MAP4: variants seen among roughly 807,000 people sequenced by gnomAD.
MAP4 encodes microtubule-associated protein 4.
MAP4 carries 76 observed loss-of-function variants against 170.2 expected under a neutral mutation model. The observed-to-expected ratio is 0.45, with a 90% CI of 0.37 to 0.54. The LOEUF (loss-of-function observed/expected upper bound fraction) is 0.54, where lower values mean the gene tolerates loss of function less well. Ranked by LOEUF, MAP4 falls within the 20% of genes least tolerant of loss-of-function variation. The pLI, the probability that MAP4 is intolerant of heterozygous loss-of-function variation, is 0.00. For missense variants in MAP4, 2,506 were observed against 2,748.0 expected, an observed-to-expected ratio of 0.91 and a Z score of 1.97; for synonymous variants, 909 against 994.5, an observed-to-expected ratio of 0.91 and a Z score of 1.62.
At chr3:47,941,806 C>T (rs1173804199) in intron 3 of MAP4, among the ~76,000 whole-genome samples, 1 of 147,096 alleles carries the variant, frequency 6.8e-6, no homozygotes, top group Non-Finnish European at 1.5e-5. Flanking sequence ...AAAAAAAAGG[C>T]GAAAACGCTA....
rs1001080628 is a variant in MAP4, at chr3:47,909,078, T to A, written c.5343A>T (p.Thr1781=). The A allele has an allele frequency of 3.7e-6, 6 of 1,613,890 alleles. No individual in the cohort carries two copies. The African/African-American group carries it at 6.7e-5, about 18-fold the overall frequency. Residue 1781 remains threonine, a synonymous_variant, in exon 9 of 21, where the codon ACA becomes ACT. Coordinates refer to ENST00000683076, the MANE Select transcript of MAP4 (RefSeq NM_001385682.1). ...GCTTATGTCTCTCTTGTTCCTGGAT[T>A]GTAGACTTTGGCAAAAGTGGAGTAA... ...RGLTPLLPKS[T]IQEQERHKQL... is the part of the protein sequence containing the mutation.
chr3:47,853,383 G>C (rs933069984), intron 19 of MAP4, 31 bp from the exon 20 acceptor site: 17 of 1,510,150 alleles, frequency 1.1e-5, no homozygotes, highest in African/African-American at 1.4e-5. Context: ...AGACAGTGCA[G>C]GGTCAGTCGA....
At position 48,059,161 on chromosome 3, in the gene MAP4, T is replaced by C. The variant is rs116067091; in HGVS notation, c.-20+29612A>G. Among the ~76,000 whole-genome samples the C allele has an allele frequency of 4.0e-3, 609 of 152,242 alleles. 5 individuals carry two copies. The highest frequency in any genetic ancestry group is 0.014 in the African/African-American group (589 of 41,528). On this transcript the variant is annotated intron_variant, in intron 1 of 18. Coordinates refer to the MAP4 transcript ENST00000360240. ...AGCAGTCAGTAAAAACACTTTGTGA[T>C]TGAATAATTCAAGTACAGAATTAAC... is the stretch of plus-strand genomic sequence containing the variant.
intron 6 of MAP4, among the ~76,000 whole-genome samples, chr3:47,917,930 A>C (rs1372277691): frequency 6.6e-6 from 1 of 152,106 alleles, no homozygotes; most frequent in East Asian, 1.9e-4. Flanking sequence ...TCCCGGGTTC[A>C]AGCAATTCTC....
At position 47,852,649 on chromosome 3, in the gene MAP4, G is replaced by C. The variant is rs980094614; in HGVS notation, c.*285C>G. On this transcript the variant is annotated 3_prime_UTR_variant, in exon 21 of 21. Coordinates refer to ENST00000683076, the MANE Select transcript of MAP4 (RefSeq NM_001385682.1). ...CCACGGAGCAGTGGCGCAGTGATGGGGCAAGACCAAAGCAGGGAGATGGGC... is the reference window on the plus strand; with the variant it reads ...CCACGGAGCAGTGGCGCAGTGATGGCGCAAGACCAAAGCAGGGAGATGGGC... 22 of 1,200,724 alleles carry C rather than the reference G, an allele frequency of 1.8e-5. No homozygotes were observed. The highest frequency in any genetic ancestry group is 2.4e-5 in the Non-Finnish European group (21 of 879,558). 74.4% of individuals were successfully genotyped at this position (1,200,724 alleles called of 1,614,324 possible).
intron 1 of MAP4, among the ~76,000 whole-genome samples, chr3:48,060,956 T>TG (rs1445667333): frequency 6.6e-6 from 1 of 152,076 alleles, no homozygotes; most frequent in Non-Finnish European, 1.5e-5. Context: ...GCCATTCTCC[T>TG]GCCTCAGCCT....
chr3:47,978,070 A>C (rs1578664695), intron 2 of MAP4, 137 bp from the exon 3 acceptor site: 1 of 587,126 alleles, frequency 1.7e-6, no homozygotes, highest in East Asian at 2.7e-5. Context: ...TCAAAATTTA[A>C]ACATTTAACA....
At chr3:47,918,152 T>G (rs2100040780) in intron 6 of MAP4, among the ~76,000 whole-genome samples, 2 of 152,192 alleles carry the variant, frequency 1.3e-5, no homozygotes, top group South Asian at 4.1e-4. Flanking sequence ...CCAGCTAATT[T>G]TTTGTATTTT....
chr3:48,085,913 G>A (rs576423114), intron 1 of MAP4, among the ~76,000 whole-genome samples: 7 of 152,158 alleles, frequency 4.6e-5, no homozygotes, highest in Non-Finnish European at 1.0e-4. Context: ...TTAGCCAGGC[G>A]TGGTGGCACG....
chr3:47,928,443 A>G (rs2100047435), intron 3 of MAP4, 93 bp from the exon 4 acceptor site: 1 of 1,282,490 alleles, frequency 7.8e-7, no homozygotes, highest in East Asian at 2.3e-5. Flanking sequence ...AGCTAGTACA[A>G]TATAAAAAAT....
At chr3:48,043,769 G>T (rs551851474) in intron 1 of MAP4, among the ~76,000 whole-genome samples, 1 of 152,084 alleles carries the variant, frequency 6.6e-6, no homozygotes, top group South Asian at 2.1e-4. Flanking sequence ...GTGCAAAACC[G>T]TAAAAGTAAG....
At chr3:48,040,193 C>T (rs984368393) in intron 1 of MAP4, among the ~76,000 whole-genome samples, 9 of 152,176 alleles carry the variant, frequency 5.9e-5, no homozygotes, top group Admixed American at 2.0e-4. Context: ...CTACAATCCA[C>T]GCTTCTACTC....
At chr3:48,032,261 T>C (rs1295390315) in intron 1 of MAP4, among the ~76,000 whole-genome samples, 1 of 152,068 alleles carries the variant, frequency 6.6e-6, no homozygotes, top group Admixed American at 6.6e-5. Context: ...CTTTAGTTAA[T>C]AATAATGTAT....
intron 3 of MAP4, among the ~76,000 whole-genome samples, chr3:47,939,554 A>G (rs2100055004): frequency 6.6e-6 from 1 of 152,198 alleles, no homozygotes; most frequent in Non-Finnish European, 1.5e-5. Flanking sequence ...CATTTATTAT[A>G]AAGAGCATAA....
intron 3 of MAP4, among the ~76,000 whole-genome samples, chr3:47,962,598 T>C (rs921221717): frequency 3.3e-5 from 5 of 152,254 alleles, no homozygotes; most frequent in African/African-American, 1.2e-4. Flanking sequence ...CAATTTATGG[T>C]GTAGCTTCTG....
intron 1 of MAP4, among the ~76,000 whole-genome samples, chr3:48,030,619 T>A (rs1345428569): frequency 6.6e-6 from 1 of 150,906 alleles, no homozygotes; most frequent in African/African-American, 2.4e-5. Flanking sequence ...ACCAACATGA[T>A]TAAAACCCGT....
At chr3:48,088,427 C>A (rs1191742835) in intron 1 of MAP4, among the ~76,000 whole-genome samples, 1 of 152,166 alleles carries the variant, frequency 6.6e-6, no homozygotes, top group Non-Finnish European at 1.5e-5. Flanking sequence ...CACCCAGGGC[C>A]CCAGACTGCG....
chr3:48,057,121 CA>C, intron 1 of MAP4, among the ~76,000 whole-genome samples: 1 of 152,086 alleles, frequency 6.6e-6, no homozygotes. Context: ...CCCACTAGCT[CA>C]TTGAGAACGG....
chr3:48,024,254 G>A (rs1665381674), intron 1 of MAP4, among the ~76,000 whole-genome samples: 1 of 152,102 alleles, frequency 6.6e-6, no homozygotes, highest in Non-Finnish European at 1.5e-5. Flanking sequence ...AGGTTGCAGT[G>A]AGCTGAGATC....
Sources: gnomAD v4.1 joint callset for allele counts (sites outside exome capture counted in the v4.1 genomes callset) on GRCh38, gnomAD v4.1.1 for gene constraint, MANE v1.5 for transcripts, NCBI Gene and HGNC (gene_info 2026-07-23, HGNC 2026-07-21) for gene names.